GAB2: variants seen among roughly 807,000 people sequenced by gnomAD.
GAB2 encodes the protein GRB2 associated binding protein 2.
GAB2 carries 26 observed loss-of-function variants against 65.5 expected under a neutral mutation model. The observed-to-expected ratio is 0.40, with a 90% CI of 0.29 to 0.55. The LOEUF is 0.55. GAB2 is among the 20% of genes least tolerant of loss of function. The probability of loss-of-function intolerance (pLI) is 0.53; values close to 1 mark genes in which losing one functional copy is unlikely to be tolerated. For missense variants in GAB2, 884 were observed against 875.8 expected, an observed-to-expected ratio of 1.01 and a Z score of -0.12; for synonymous variants, 321 against 329.6, an observed-to-expected ratio of 0.97 and a Z score of 0.28.
chr11:78,284,532 GTGCCAGGCGTGCTCC>G (rs1353457606), intron 1 of GAB2, among the ~76,000 whole-genome samples: 22 of 152,240 alleles, frequency 1.4e-4, no homozygotes, highest in African/African-American at 5.1e-4. Context: ...GCCTTACACA[GTGCCAGGCGTGCTCC>G]TGCCTCACGG....
intron 1 of GAB2, among the ~76,000 whole-genome samples, chr11:78,317,898 C>A (rs1855644020): frequency 1.3e-5 from 2 of 152,108 alleles, no homozygotes; most frequent in Admixed American, 6.5e-5. Context: ...ATTACATTTC[C>A]TTTTAACTCT....
chr11:78,311,481 T>C (rs1015335283), intron 1 of GAB2, among the ~76,000 whole-genome samples: 3 of 152,122 alleles, frequency 2.0e-5, no homozygotes, highest in Non-Finnish European at 4.4e-5. Context: ...AGAATTTTTA[T>C]TTGATATAAG....
chr11:78,227,189 T>C, intron 3 of GAB2, 138 bp from the exon 4 acceptor site: 2 of 643,582 alleles, frequency 3.1e-6, no homozygotes, highest in African/African-American at 1.8e-5. Flanking sequence ...TTGAAGGTTG[T>C]TCAGACTCTA....
intron 1 of GAB2, among the ~76,000 whole-genome samples, chr11:78,356,934 T>C (rs962695519): frequency 1.8e-4 from 28 of 152,234 alleles, no homozygotes; most frequent in Non-Finnish European, 1.0e-4. Context: ...TTATATAACA[T>C]ACCTAGAATC....
rs147398976 is a variant in GAB2 at position 78,322,254 on chromosome 11, G to A, written c.76-41353C>T. ...CAGGAGGCGGAGGTTGCAGTGAGCCGAGCTACTGCACTGAAGCCTGGCTGA... is the reference window on the plus strand; with the variant it reads ...CAGGAGGCGGAGGTTGCAGTGAGCCAAGCTACTGCACTGAAGCCTGGCTGA... On this transcript the variant is annotated intron_variant, in intron 1 of 9. Transcript: ENST00000361507. Among the ~76,000 whole-genome samples, 1,053 of 127,838 alleles carry A rather than the reference G, an allele frequency of 8.2e-3. 9 individuals are homozygous for A. Among genetic ancestry groups the A allele is most frequent in the Middle Eastern group, 0.03 (5 of 168 alleles). The allele number at this position is 127,838 out of a possible 152,430, so 83.9% of individuals were successfully genotyped here.
intron 1 of GAB2, among the ~76,000 whole-genome samples, chr11:78,319,884 T>G (rs1422319892): frequency 6.6e-6 from 1 of 151,090 alleles, no homozygotes; most frequent in Non-Finnish European, 1.5e-5. Flanking sequence ...TTTTTTTTTT[T>G]TGAGACCGAG....
intron 1 of GAB2, among the ~76,000 whole-genome samples, chr11:78,287,714 T>C (rs978418359): frequency 6.7e-6 from 1 of 149,810 alleles, no homozygotes; most frequent in African/African-American, 2.5e-5. Flanking sequence ...AGTGGCACAA[T>C]CTTGGCTCAC....
chr11:78,370,614 C>T (rs1008899946), intron 1 of GAB2, among the ~76,000 whole-genome samples: 1 of 152,276 alleles, frequency 6.6e-6, no homozygotes, highest in African/African-American at 2.4e-5. Flanking sequence ...TATGCATCAA[C>T]AAACCCGCTA....
intron 1 of GAB2, among the ~76,000 whole-genome samples, chr11:78,386,040 G>A (rs1856761794): frequency 6.6e-6 from 1 of 152,198 alleles, no homozygotes; most frequent in Admixed American, 6.5e-5. Context: ...CAGTGCCTGA[G>A]ATATATGATG....
intron 1 of GAB2, among the ~76,000 whole-genome samples, chr11:78,282,949 C>T (rs999858367): frequency 6.6e-6 from 1 of 152,180 alleles, no homozygotes; most frequent in Admixed American, 6.5e-5. Context: ...ACCCAGCAAA[C>T]CCCAGCTAAG....
chr11:78,242,481 GAC>G (rs1565122636), intron 3 of GAB2, among the ~76,000 whole-genome samples: 1 of 150,374 alleles, frequency 6.7e-6, no homozygotes, highest in African/African-American at 2.5e-5. Context: ...CAGCCTGGGC[GAC>G]AGAGCGAGAC....
intron 3 of GAB2, among the ~76,000 whole-genome samples, chr11:78,245,107 A>G (rs781328932): frequency 3.0e-4 from 45 of 152,320 alleles, no homozygotes; most frequent in Non-Finnish European, 6.2e-4. Context: ...CATCTAGAGA[A>G]GTCAGACTCA....
At chr11:78,401,889 C>T (rs565786683) in intron 1 of GAB2, among the ~76,000 whole-genome samples, 117 of 152,210 alleles carry the variant, frequency 7.7e-4, no homozygotes, top group African/African-American at 2.8e-3. Context: ...AAGAAATAAT[C>T]CAGTGATTAG....
chr11:78,314,194 T>C (rs999127165), intron 1 of GAB2, among the ~76,000 whole-genome samples: 1 of 152,216 alleles, frequency 6.6e-6, no homozygotes. Context: ...GCCATTAATA[T>C]TTCCAAAAGT....
At chr11:78,342,837 A>T (rs1201061857) in intron 1 of GAB2, among the ~76,000 whole-genome samples, 3 of 152,186 alleles carry the variant, frequency 2.0e-5, no homozygotes, top group Non-Finnish European at 4.4e-5. Context: ...TGTATTTAGT[A>T]CAAGTAGGAG....
chr11:78,291,233 A>G (rs997851990), intron 1 of GAB2, among the ~76,000 whole-genome samples: 1 of 149,588 alleles, frequency 6.7e-6, no homozygotes, highest in African/African-American at 2.5e-5. Flanking sequence ...CAGGCAGATC[A>G]CGAGGTCAGG....
chr11:78,276,420 G>C (rs1456153760), intron 2 of GAB2, among the ~76,000 whole-genome samples: 1 of 152,122 alleles, frequency 6.6e-6, no homozygotes, highest in African/African-American at 2.4e-5. Context: ...TAAGGCCATT[G>C]ACAAAACACT....
In GAB2 at chr11:78,359,728, G is replaced by A. The variant is rs887165844; in HGVS notation, c.75+57918C>T. ...ATAAATAAATAAGATAGAAAATACCGGCCAACAATAACATAAGTTAGGAGG... is the reference window on the plus strand; with the variant it reads ...ATAAATAAATAAGATAGAAAATACCAGCCAACAATAACATAAGTTAGGAGG... On this transcript the variant is annotated intron_variant, in intron 1 of 9. Transcript: ENST00000361507. Among the ~76,000 whole-genome samples, 12 of 152,178 alleles carry A rather than the reference G, an allele frequency of 7.9e-5. No individual in the cohort carries two copies. In the South Asian group the frequency reaches 8.3e-4, roughly 11 times the overall value.
chr11:78,394,717 T>C (rs1367625482), intron 1 of GAB2, among the ~76,000 whole-genome samples: 15 of 152,166 alleles, frequency 9.9e-5, no homozygotes, highest in Admixed American at 9.2e-4. Context: ...ATACAGTCCA[T>C]AGAAATTGCT....
Sources: gnomAD v4.1 joint callset for allele counts (sites outside exome capture counted in the v4.1 genomes callset) on GRCh38, gnomAD v4.1.1 for gene constraint, MANE v1.5 for transcripts, NCBI Gene and HGNC (gene_info 2026-07-23, HGNC 2026-07-21) for gene names.